Variants in FOXJ3 observed in about 807,000 individuals in gnomAD.
FOXJ3 encodes the protein forkhead box protein J3.
FOXJ3 carries 22 observed loss-of-function variants against 76.1 expected under a neutral mutation model. The observed-to-expected ratio is 0.29, with a 90% confidence interval of 0.21 to 0.41. The LOEUF (loss-of-function observed/expected upper bound fraction) is 0.41. Among genes scored for constraint, FOXJ3 ranks in the 10% least tolerant of loss-of-function variants. The pLI is 1.00. For synonymous variants in FOXJ3, 269 were observed against 261.2 expected, an observed-to-expected ratio of 1.03 and a Z score of -0.29; for missense variants, 613 against 762.1, an observed-to-expected ratio of 0.80 and a Z score of 2.30.
At chr1:42,204,096 C>T (rs1420722103) in intron 6 of FOXJ3, among the ~76,000 whole-genome samples, 1 of 151,990 alleles carries the variant, frequency 6.6e-6, no homozygotes, top group Non-Finnish European at 1.5e-5. Flanking sequence ...ATTTTGTCTC[C>T]CTGGTTGAAT....
chr1:42,183,303 CGGGGTG>C (rs1646363739), intron 11 of FOXJ3, among the ~76,000 whole-genome samples: 1 of 10,434 alleles, frequency 9.6e-5, no homozygotes, highest in Non-Finnish European at 1.9e-4. Context: ...GGGGGCGGGG[CGGGGTG>C]GGGGAGGGGA....
rs1205171337 is a variant in FOXJ3 at position 42,215,862 on chromosome 1, CA to C, written c.529-10000del. ...TGTATATCTAATAAAAAATACTCTT[CA>C]AAAATGAAGGCAGGCTGGGCGTGGT... On this transcript the variant is annotated intron_variant, in intron 5 of 12. Transcript: ENST00000361346. 4.6e-5 allele frequency among the ~76,000 whole-genome samples: 7 copies of C among 152,170 alleles called. No homozygotes were observed. In the South Asian group the frequency reaches 6.2e-4, roughly 14 times the overall value.
At chr1:42,304,372 T>C (rs1381721042) in intron 2 of FOXJ3, among the ~76,000 whole-genome samples, 1 of 151,878 alleles carries the variant, frequency 6.6e-6, no homozygotes, top group Non-Finnish European at 1.5e-5. Context: ...AAAATACCAA[T>C]GACATTCTTC....
chr1:42,245,426 A>G (rs964654648), intron 4 of FOXJ3, among the ~76,000 whole-genome samples: 1 of 152,170 alleles, frequency 6.6e-6, no homozygotes, highest in African/African-American at 2.4e-5. Context: ...CCTCAACAAA[A>G]TATTAGCAAA....
In FOXJ3 at chr1:42,212,453, C is replaced by T. The variant is rs1000580304; in HGVS notation, c.529-6590G>A. 9.2e-5 allele frequency among the ~76,000 whole-genome samples: 14 copies of T among 151,810 alleles called. 2 individuals carry two copies. Among genetic ancestry groups the T allele is most frequent in the Admixed American group, 7.9e-4 (12 of 15,272 alleles). Reference sequence around the variant, plus strand: ...TACAAAATGTGGTAGAAAGTTTTAACAACAGACTAGACCAGGTAGAAAAAA... The same window carrying T: ...TACAAAATGTGGTAGAAAGTTTTAATAACAGACTAGACCAGGTAGAAAAAA... On this transcript the variant is annotated intron_variant, in intron 5 of 12. Coordinates refer to ENST00000361346, the MANE Select transcript of FOXJ3 (RefSeq NM_014947.5).
At chr1:42,251,459 T>A (rs899833630) in intron 4 of FOXJ3, among the ~76,000 whole-genome samples, 18 of 140,692 alleles carry the variant, frequency 1.3e-4, no homozygotes, top group African/African-American at 4.5e-4. Flanking sequence ...TGTCAGATGA[T>A]ACCGTTAGGC....
At chr1:42,246,460 C>T (rs747266553) in intron 4 of FOXJ3, among the ~76,000 whole-genome samples, 1 of 151,828 alleles carries the variant, frequency 6.6e-6, no homozygotes, top group African/African-American at 2.4e-5. Flanking sequence ...TAAGGAAATG[C>T]AAATCAAAAC....
intron 2 of FOXJ3, among the ~76,000 whole-genome samples, chr1:42,305,317 A>G (rs1374290585): frequency 6.6e-6 from 1 of 152,210 alleles, no homozygotes; most frequent in African/African-American, 2.4e-5. Flanking sequence ...TATTAGTACA[A>G]CCACTATGGT....
At chr1:42,228,009 C>A in intron 4 of FOXJ3, 43 bp from the exon 5 acceptor site, 1 of 1,006,018 alleles carries the variant, frequency 9.9e-7, no homozygotes, top group Admixed American at 2.3e-5. Flanking sequence ...TACAGCAAAC[C>A]TATGATATTA....
intron 1 of FOXJ3, among the ~76,000 whole-genome samples, chr1:42,313,699 T>G (rs572759522): frequency 6.6e-6 from 1 of 152,292 alleles, no homozygotes; most frequent in South Asian, 2.1e-4. Context: ...AGCCGTCCCC[T>G]TGCCTGTCAC....
In FOXJ3 at chr1:42,238,600, C is replaced by G. The variant is rs556904601; in HGVS notation, c.445-10634G>C. Among the ~76,000 whole-genome samples, 6 of 152,198 alleles carry G rather than the reference C, an allele frequency of 3.9e-5. No individual in the cohort carries two copies. In the East Asian group the frequency reaches 1.2e-3, roughly 29 times the overall value. On this transcript the variant is annotated intron_variant, in intron 4 of 12. Coordinates refer to ENST00000361346, the MANE Select transcript of FOXJ3 (RefSeq NM_014947.5). ...CTTTTTGAGATAGGGTCTCTGTCAC[C>G]CTGGCTGGAGTGCAATGGCACAATC... is the stretch of plus-strand genomic sequence containing the variant.
chr1:42,305,222 A>T (rs574991174), intron 2 of FOXJ3, among the ~76,000 whole-genome samples: 2 of 152,332 alleles, frequency 1.3e-5, no homozygotes, highest in Non-Finnish European at 2.9e-5. Flanking sequence ...AATGGCTTTT[A>T]TCTAAAAGAC....
At chr1:42,324,054 C>CTGTATATACACAGTGTATAT (rs1557725618) in intron 1 of FOXJ3, among the ~76,000 whole-genome samples, 2 of 112,748 alleles carry the variant, frequency 1.8e-5, no homozygotes, top group Non-Finnish European at 3.6e-5. Flanking sequence ...ATAGTATATA[C>CTGTATATACACAGTGTATAT]ACTGTATATA....
In FOXJ3 at chr1:42,285,711, C is replaced by A. The variant is rs12038883; in HGVS notation, c.45-7039G>T. On this transcript the variant is annotated intron_variant, in intron 2 of 12. Coordinates refer to ENST00000361346, the MANE Select transcript of FOXJ3 (RefSeq NM_014947.5). Reference sequence around the variant, plus strand: ...CCATAAAGGACAATGAAAATCTTCCCAAAGAGCAGATTAAAAGGACTTATT... The same window carrying A: ...CCATAAAGGACAATGAAAATCTTCCAAAAGAGCAGATTAAAAGGACTTATT... 3.1e-4 allele frequency among the ~76,000 whole-genome samples: 36 copies of A among 117,020 alleles called. No homozygotes were observed. The East Asian group carries it at 7.9e-3, about 26-fold the overall frequency. 76.8% of individuals were successfully genotyped at this position (117,020 alleles called of 152,430 possible). A position where few individuals can be genotyped will look rare whatever the true frequency, so the allele number is the denominator to read the frequency against.
intron 2 of FOXJ3, among the ~76,000 whole-genome samples, chr1:42,302,045 A>G (rs1226831953): frequency 2.6e-5 from 4 of 152,144 alleles, no homozygotes; most frequent in Non-Finnish European, 4.4e-5. Context: ...GGGTGCTTTC[A>G]GTGGCAAAGA....
chr1:42,257,415 T>C (rs1390146982), intron 4 of FOXJ3, among the ~76,000 whole-genome samples: 1 of 151,944 alleles, frequency 6.6e-6, no homozygotes, highest in African/African-American at 2.4e-5. Context: ...AATCAAGATA[T>C]AGAAAATCCA....
chr1:42,189,963 A>ATTT (rs1173997566), intron 9 of FOXJ3, among the ~76,000 whole-genome samples: 3 of 152,190 alleles, frequency 2.0e-5, no homozygotes, highest in Non-Finnish European at 2.9e-5. Flanking sequence ...CTTCCAAGGC[A>ATTT]ACCTTAGGAG....
intron 4 of FOXJ3, among the ~76,000 whole-genome samples, chr1:42,260,222 CCA>C (rs1650929372): frequency 1.3e-5 from 2 of 152,096 alleles, no homozygotes. Context: ...TCAAACCTCT[CCA>C]GTTTTTCTAC....
At chr1:42,263,416 T>G (rs1301250240) in intron 4 of FOXJ3, among the ~76,000 whole-genome samples, 4 of 152,172 alleles carry the variant, frequency 2.6e-5, no homozygotes, top group Non-Finnish European at 5.9e-5. Context: ...TTAAAAATAT[T>G]TTTCAGTCTG....
Sources: allele counts gnomAD v4.1 joint callset (sites outside exome capture counted in the v4.1 genomes callset), GRCh38; gene constraint gnomAD v4.1.1; transcripts MANE v1.5; gene names NCBI Gene and HGNC (gene_info 2026-07-23, HGNC 2026-07-21).